CMIP: variants seen among roughly 807,000 people sequenced by gnomAD.
The protein encoded by CMIP is c-Maf inducing protein, also known as C-Maf-inducing protein.
Under a neutral mutation model 97.3 loss-of-function variants are expected in CMIP, and 13 were observed. The ratio of observed to expected loss-of-function variants is 0.13; its 90% CI spans 0.09 to 0.21. CMIP has a LOEUF of 0.21. Among genes scored for constraint, CMIP ranks in the 10% least tolerant of loss-of-function variants. The pLI is 1.00. For missense variants in CMIP, 847 were observed against 1,024.9 expected (o/e 0.83, Z 2.37); for synonymous variants, 538 against 436.3 (o/e 1.23, Z -2.91).
rs1444727241 is a variant in CMIP, at chr16:81,710,784, G to A, written c.*985G>A. ...CGGCACCTTTTAGACTTGAATGGGA[G>A]GCTGCTAACCCGCCCTCTCCAGTCC... On this transcript the variant is annotated 3_prime_UTR_variant, in exon 21 of 21. Transcript: ENST00000537098. The A allele has an allele frequency of 6.6e-6, 1 of 152,080 alleles. No homozygotes were observed. Among genetic ancestry groups the A allele is most frequent in the Non-Finnish European group, 1.5e-5 (1 of 68,044 alleles). The allele number at this position is 152,080 out of a possible 1,614,324, so 9.4% of individuals were successfully genotyped here.
chr16:81,524,200 A>AGT (rs1260854252), intron 1 of CMIP, among the ~76,000 whole-genome samples: 1 of 152,250 alleles, frequency 6.6e-6, no homozygotes, highest in Non-Finnish European at 1.5e-5. Flanking sequence ...AAAGGAAGCC[A>AGT]GTATTGGGGT....
chr16:81,628,274 C>G (rs1474505828), intron 3 of CMIP, among the ~76,000 whole-genome samples: 1 of 152,128 alleles, frequency 6.6e-6, no homozygotes, highest in Non-Finnish European at 1.5e-5. Flanking sequence ...AGAGATGTGG[C>G]CCCAGGCGCT....
intron 1 of CMIP, among the ~76,000 whole-genome samples, chr16:81,449,436 A>C (rs11648836): frequency 2.0e-5 from 3 of 152,224 alleles, no homozygotes; most frequent in Non-Finnish European, 4.4e-5. Context: ...CTGCATGCCT[A>C]CTGTGTGTCA....
intron 1 of CMIP, among the ~76,000 whole-genome samples, chr16:81,544,114 C>T (rs972934527): frequency 3.3e-5 from 5 of 152,322 alleles, no homozygotes; most frequent in South Asian, 2.1e-4. Flanking sequence ...GAAGGGCAAA[C>T]GCTGGACACG....
At chr16:81,515,380 T>C (rs977930280) in intron 1 of CMIP, among the ~76,000 whole-genome samples, 1 of 152,238 alleles carries the variant, frequency 6.6e-6, no homozygotes, top group African/African-American at 2.4e-5. Flanking sequence ...AAGGTCTGTG[T>C]TGGAGGGCAC....
chr16:81,471,021 C>A (rs1907498590), intron 1 of CMIP, among the ~76,000 whole-genome samples: 1 of 152,018 alleles, frequency 6.6e-6, no homozygotes. Flanking sequence ...CATGTGCGCA[C>A]AAACATGTGC....
intron 1 of CMIP, among the ~76,000 whole-genome samples, chr16:81,589,069 C>CT (rs368193106): frequency 0.012 from 1,761 of 146,990 alleles, 30 homozygotes; most frequent in East Asian, 0.045. Context: ...TATTGTATTG[C>CT]TTTTTTTTTT....
intron 1 of CMIP, among the ~76,000 whole-genome samples, chr16:81,557,153 C>A (rs898518365): frequency 6.6e-6 from 1 of 152,204 alleles, no homozygotes; most frequent in Non-Finnish European, 1.5e-5. Context: ...ACTGTCTTTT[C>A]AGCTTTTCGG....
chr16:81,685,107 A>G (rs754216887), intron 10 of CMIP, among the ~76,000 whole-genome samples: 34 of 151,996 alleles, frequency 2.2e-4, no homozygotes, highest in East Asian at 3.9e-4. Context: ...CTCCCCCACA[A>G]CCTCTGTCCA....
intron 4 of CMIP, among the ~76,000 whole-genome samples, chr16:81,656,736 C>G (rs991911131): frequency 6.6e-6 from 1 of 152,188 alleles, no homozygotes; most frequent in Non-Finnish European, 1.5e-5. Context: ...CTTTTGGATT[C>G]AAATGCTTCT....
intron 10 of CMIP, among the ~76,000 whole-genome samples, chr16:81,685,213 C>A (rs1905256647): frequency 6.6e-6 from 1 of 152,222 alleles, no homozygotes; most frequent in African/African-American, 2.4e-5. Flanking sequence ...CCCTCTCCCT[C>A]CTTCCCATGC....
Position 81,652,228 on chromosome 16 carries a change from T to C in CMIP, c.503T>C (p.Val168Ala). Residue 168 changes from valine to alanine, a missense_variant, in exon 4 of 21, where the codon GTG (valine) becomes GCG (alanine). Transcript: ENST00000537098. The surrounding 1 kb of genome is among the most constrained non-coding windows in gnomAD (Gnocchi z 5.2). Reference sequence around the variant, plus strand: ...AAAAAGATTTACAAATATAAGAAAGTGCTGAGTAACCCAAGCCGCTGGGAA... The same window carrying C: ...AAAAAGATTTACAAATATAAGAAAGCGCTGAGTAACCCAAGCCGCTGGGAA... Reference protein sequence around the residue: ...WKKKIYKYKKVLSNPSRWEVV... With the variant: ...WKKKIYKYKKALSNPSRWEVV... 1 of 1,613,670 alleles carries C rather than the reference T, an allele frequency of 6.2e-7. No individual in the cohort carries two copies. The highest frequency in any genetic ancestry group is 8.5e-7 in the Non-Finnish European group (1 of 1,179,606).
chr16:81,670,267 C>T (rs955599896), intron 8 of CMIP, 22 bp downstream of exon 8: 1 of 1,589,436 alleles, frequency 6.3e-7, no homozygotes, highest in Admixed American at 1.8e-5. Context: ...GCGCGACGTC[C>T]CTCTGTGGCC....
intron 7 of CMIP, chr16:81,666,813 C>T (rs931900900): frequency 1.3e-5 from 2 of 152,234 alleles, no homozygotes; most frequent in Non-Finnish European, 2.9e-5. Context: ...TGATTATGGC[C>T]ATGCCAGGCA....
chr16:81,619,150 C>G (rs1262776547), intron 2 of CMIP: 1 of 152,192 alleles, frequency 6.6e-6, no homozygotes, highest in Non-Finnish European at 1.5e-5. Context: ...TGTCGGAGTT[C>G]CTGTGTCACA....
At chr16:81,599,233 G>A (rs1464044214) in intron 1 of CMIP, among the ~76,000 whole-genome samples, 1 of 152,018 alleles carries the variant, frequency 6.6e-6, no homozygotes, top group African/African-American at 2.4e-5. Context: ...AACAGCCCCG[G>A]GGCAAGGAGA....
intron 1 of CMIP, among the ~76,000 whole-genome samples, chr16:81,512,893 C>A (rs2089840579): frequency 6.6e-6 from 1 of 152,102 alleles, no homozygotes; most frequent in Non-Finnish European, 1.5e-5. Flanking sequence ...CGCACCACCA[C>A]ACCCAGCTAA....
rs550205889 is a variant in CMIP, at chr16:81,453,119, A to G, written c.300+7578A>G. 1.3e-5 allele frequency among the ~76,000 whole-genome samples: 2 copies of G among 152,226 alleles called. No homozygotes were observed. The highest frequency in any genetic ancestry group is 1.3e-4 in the Admixed American group (2 of 15,296). On this transcript the variant is annotated intron_variant, in intron 1 of 20. Coordinates refer to ENST00000537098, the MANE Select transcript of CMIP (RefSeq NM_198390.3). The surrounding 1 kb of genome is among the most constrained non-coding windows in gnomAD (Gnocchi z 4.0). ...AGGGGTGAGGGGAAGTGTGTCGGCAAAGACCCTTGCAGCTGGCTCAGCAGC... is the reference window on the plus strand; with the variant it reads ...AGGGGTGAGGGGAAGTGTGTCGGCAGAGACCCTTGCAGCTGGCTCAGCAGC...
chr16:81,537,368 C>G (rs992649975), intron 1 of CMIP, among the ~76,000 whole-genome samples: 57 of 151,358 alleles, frequency 3.8e-4, no homozygotes, highest in Non-Finnish European at 3.4e-4. Context: ...AACCCTGTCT[C>G]TACTAAAAAT....
Sources: allele counts gnomAD v4.1 joint callset (sites outside exome capture counted in the v4.1 genomes callset), GRCh38; gene constraint gnomAD v4.1.1; non-coding constraint Gnocchi (gnomAD v3.1); transcripts MANE v1.5; gene names NCBI Gene and HGNC (gene_info 2026-07-23, HGNC 2026-07-21).